Variants in IFIH1 observed in about 807,000 individuals in gnomAD.
IFIH1 encodes interferon induced with helicase C domain 1, also known as interferon-induced helicase C domain-containing protein 1.
IFIH1 carries 125 observed loss-of-function variants against 107.4 expected under a neutral mutation model. The ratio of observed to expected loss-of-function variants is 1.16; its 90% confidence interval spans 1.01 to 1.35. The LOEUF is 1.35. Among genes scored for constraint, IFIH1 ranks in the 40% most tolerant of loss-of-function variants. The pLI is 0.00. For synonymous variants in IFIH1, 458 were observed against 413.2 expected (o/e 1.11, Z -1.31); for missense variants, 1,333 against 1,213.7 (o/e 1.10, Z -1.46).
In IFIH1 at chr2:162,304,760, C is replaced by T. The variant is rs115525038; in HGVS notation, c.769+1949G>A. On this transcript the variant is annotated intron_variant, in intron 3 of 15. Transcript: ENST00000649979. ...ACGAAATACCATTTTTAATAGCAGC[C>T]AAATTGAAAAGATTGAACATGATAA... 2.9e-3 allele frequency among the ~76,000 whole-genome samples: 447 copies of T among 152,022 alleles called. 3 individuals are homozygous for T. Among genetic ancestry groups the T allele is most frequent in the African/African-American group, 0.01 (425 of 41,450 alleles).
chr2:162,286,057 G>A (rs931366734), intron 5 of IFIH1, among the ~76,000 whole-genome samples: 2 of 151,942 alleles, frequency 1.3e-5, no homozygotes, highest in Non-Finnish European at 2.9e-5. Context: ...CTTATCTGTA[G>A]TATTTTGCCC....
chr2:162,298,316 C>G (rs184077683), intron 3 of IFIH1, among the ~76,000 whole-genome samples: 1 of 152,302 alleles, frequency 6.6e-6, no homozygotes, highest in Non-Finnish European at 1.5e-5. Flanking sequence ...TGGCTTCAGT[C>G]TGCCACACAC....
rs79901545 is a variant in IFIH1, at chr2:162,287,133, GC to G, written c.1095+1001del. On this transcript the variant is annotated intron_variant, in intron 5 of 15. Transcript: ENST00000649979. ...AGTAAGTATACAAGTATAAAGGAGA[GC>G]TCTTTGGACTTAGCAGATGCACACA... Among the ~76,000 whole-genome samples the G allele has an allele frequency of 4.4e-3, 670 of 151,950 alleles. 27 individuals are homozygous for G. The East Asian group carries it at 0.11, about 25-fold the overall frequency.
chr2:162,272,267 G>A lies in IFIH1; in HGVS notation c.2575C>T (p.His859Tyr). ...FREKMMYKAI[H>Y]CVQNMKPEEY... ...TCTGGTTTCATATTTTGAACACAAT[G>A]TATAGCTTTATACATCATCTTCTCT... Residue 859 changes from histidine (H) to tyrosine (Y), a missense_variant, in exon 13 of 16, where the codon CAT becomes TAT. Coordinates refer to ENST00000649979, the MANE Select transcript of IFIH1 (RefSeq NM_022168.4). The A allele has an allele frequency of 6.2e-7, 1 of 1,612,568 alleles. No homozygotes were observed. The highest frequency in any genetic ancestry group is 1.1e-5 in the South Asian group (1 of 90,954).
intron 7 of IFIH1, 73 bp downstream of exon 7, chr2:162,281,255 T>C: frequency 8.5e-7 from 1 of 1,177,766 alleles, no homozygotes; most frequent in Non-Finnish European, 1.2e-6. Flanking sequence ...TCAATCTTAT[T>C]TAATAAGACC....
In IFIH1 at chr2:162,267,191, A is replaced by G. The variant is rs371793426; in HGVS notation, c.*9T>C. 6.5e-7 allele frequency: 1 copy of G among 1,546,514 alleles called. No individual in the cohort carries two copies. Among genetic ancestry groups the G allele is most frequent in the Non-Finnish European group, 8.7e-7 (1 of 1,146,358 alleles). On this transcript the variant is annotated 3_prime_UTR_variant, in exon 16 of 16. Coordinates refer to ENST00000649979, the MANE Select transcript of IFIH1 (RefSeq NM_022168.4). Reference sequence around the variant, plus strand: ...CTGATAGTATTTTAAAAGAATCTTCAATCAAGTGCTAATCCTCATCACTAA... The same window carrying G: ...CTGATAGTATTTTAAAAGAATCTTCGATCAAGTGCTAATCCTCATCACTAA...
At chr2:162,301,361 A>G (rs1416943844) in intron 3 of IFIH1, among the ~76,000 whole-genome samples, 1 of 152,192 alleles carries the variant, frequency 6.6e-6, no homozygotes, top group Non-Finnish European at 1.5e-5. Context: ...TTGGCTTTAT[A>G]AATGTAAAGG....
rs969175365 is a variant in IFIH1 at position 162,312,841 on chromosome 2, C to T, written c.454-1908G>A. On this transcript the variant is annotated intron_variant, in intron 1 of 15. Transcript: ENST00000649979. The stretch of plus-strand genomic sequence containing the variant: ...CAGCCATTCTCATATTTTATTACCC[C>T]ATCCTTTAATCAGCTTTAAATATAT... 2.6e-5 allele frequency among the ~76,000 whole-genome samples: 4 copies of T among 152,064 alleles called. No homozygotes were observed. The South Asian group carries it at 8.3e-4, about 32-fold the overall frequency.
chr2:162,291,886 C>T (rs957917909), intron 4 of IFIH1, among the ~76,000 whole-genome samples: 11 of 151,750 alleles, frequency 7.2e-5, no homozygotes, highest in Admixed American at 1.3e-4. Flanking sequence ...ATTCTTTGCT[C>T]CTAAGTACTG....
chr2:162,296,239 A>C (rs1290572451), intron 3 of IFIH1, among the ~76,000 whole-genome samples: 1 of 152,098 alleles, frequency 6.6e-6, no homozygotes, highest in African/African-American at 2.4e-5. Context: ...TGCAATGTGC[A>C]CGAATAATTG....
In IFIH1 at chr2:162,281,401, A is replaced by G. The variant is rs1157544674; in HGVS notation, c.1451T>C (p.Ile484Thr). 1 of 1,612,864 alleles carries G rather than the reference A, an allele frequency of 6.2e-7. No individual in the cohort carries two copies. The highest frequency in any genetic ancestry group is 2.2e-5 in the East Asian group (1 of 44,854). ...ENKPVIPLPQ[I>T]LGLTASPGVG... is the part of the protein sequence containing the mutation. ...ACCAGGTGAAGCTGTTAGTCCCAGT[A>G]TCTGAGGAAGGGGAATCACTGGTTT... is the stretch of plus-strand genomic sequence containing the variant. The change falls in exon 7 of 16, where the codon ATA becomes ACA. Residue 484 changes from isoleucine (I) to threonine (T), a missense_variant. Physicochemically the swap from Ile to Thr is moderately conservative, Grantham distance 89. Transcript: ENST00000649979.
At chr2:162,293,736 C>T (rs1683039217) in intron 3 of IFIH1, 68 bp from the exon 4 acceptor site, 1 of 945,514 alleles carries the variant, frequency 1.1e-6, no homozygotes, top group South Asian at 1.4e-5. Context: ...TAACTGCACA[C>T]CTCTACAGCA....
At chr2:162,297,326 A>G (rs563934154) in intron 3 of IFIH1, among the ~76,000 whole-genome samples, 1 of 152,174 alleles carries the variant, frequency 6.6e-6, no homozygotes, top group Non-Finnish European at 1.5e-5. Flanking sequence ...GTCCTAATGA[A>G]TAAAGTCCTG....
intron 1 of IFIH1, among the ~76,000 whole-genome samples, chr2:162,314,223 T>G (rs1683429636): frequency 6.6e-6 from 1 of 152,184 alleles, no homozygotes; most frequent in Non-Finnish European, 1.5e-5. Flanking sequence ...AGCAAGGCAG[T>G]ACAGGGGTAC....
chr2:162,284,967 AAAG>A (rs1366669609), intron 5 of IFIH1, among the ~76,000 whole-genome samples: 4 of 152,002 alleles, frequency 2.6e-5, no homozygotes, highest in African/African-American at 9.7e-5. Flanking sequence ...TACAGAACAA[AAAG>A]AAGTTGTCAC....
At chr2:162,303,170 A>C (rs1372711127) in intron 3 of IFIH1, among the ~76,000 whole-genome samples, 1 of 151,918 alleles carries the variant, frequency 6.6e-6, no homozygotes, top group East Asian at 1.9e-4. Flanking sequence ...GCTGGAGTGC[A>C]ATGGTGCAAT....
chr2:162,314,578 CCCAGGTTCATG>C (rs1277169411), intron 1 of IFIH1, among the ~76,000 whole-genome samples: 2 of 151,722 alleles, frequency 1.3e-5, no homozygotes, highest in African/African-American at 4.9e-5. Flanking sequence ...AGCTCCGCCT[CCCAGGTTCATG>C]CCATTCTCCT....
intron 8 of IFIH1, among the ~76,000 whole-genome samples, chr2:162,278,901 G>A (rs1024906356): frequency 6.6e-5 from 10 of 152,016 alleles, no homozygotes; most frequent in African/African-American, 1.9e-4. Flanking sequence ...GGAGCTTTTA[G>A]GATACTGGCA....
chr2:162,268,385 T>C (rs1457045304), intron 13 of IFIH1, 108 bp from the exon 14 acceptor site: 26 of 662,826 alleles, frequency 3.9e-5, no homozygotes, highest in Non-Finnish European at 5.4e-5. Flanking sequence ...AAATATACCC[T>C]TAGCTTATGG....
Sources: allele counts gnomAD v4.1 joint callset (sites outside exome capture counted in the v4.1 genomes callset), GRCh38; gene constraint gnomAD v4.1.1; transcripts MANE v1.5; gene names NCBI Gene and HGNC (gene_info 2026-07-23, HGNC 2026-07-21).